SREBF1: variants seen among roughly 807,000 people sequenced by gnomAD.
SREBF1 encodes sterol regulatory element-binding protein 1.
A neutral mutation model predicts 100.1 loss-of-function variants in SREBF1; 45 were observed. The ratio of observed to expected loss-of-function variants is 0.45; its 90% CI spans 0.35 to 0.58. SREBF1 has a LOEUF of 0.58. Ranked by LOEUF, SREBF1 falls within the 20% of genes least tolerant of loss-of-function variation. The pLI, the probability that SREBF1 is intolerant of heterozygous loss-of-function variation, is 0.00. For missense variants in SREBF1, 1,324 were observed against 1,539.4 expected (o/e 0.86, Z 2.34); for synonymous variants, 657 against 681.8 (o/e 0.96, Z 0.57).
intron 1 of SREBF1, among the ~76,000 whole-genome samples, chr17:17,822,538 G>A (rs946344952): frequency 2.0e-5 from 3 of 152,204 alleles, no homozygotes; most frequent in African/African-American, 4.8e-5. Flanking sequence ...CCCCCAGCTG[G>A]TGACTAGCAG....
In SREBF1 at chr17:17,811,610, CCT is replaced by C; in HGVS notation, c.*1010_*1011del. On this transcript the variant is annotated 3_prime_UTR_variant, in exon 19 of 19. Coordinates refer to ENST00000261646, the MANE Select transcript of SREBF1 (RefSeq NM_004176.5). ...GGAAACCTCCCCCGCCCCTGTGCCC[CCT>C]CTCCAGTGTGGCGGCAGGTCGGGAG... is the stretch of plus-strand genomic sequence containing the variant. 2.4e-6 allele frequency: 1 copy of C among 420,304 alleles called. No homozygotes were observed. The highest frequency in any genetic ancestry group is 1.7e-5 in the South Asian group (1 of 60,140). 26.0% of individuals were successfully genotyped at this position (420,304 alleles called of 1,614,324 possible).
Position 17,820,203 on chromosome 17 carries a change from G to T in SREBF1, c.410C>A (p.Pro137Gln). Residue 137 changes from proline to glutamine, a missense_variant, in exon 2 of 19, where the codon CCA becomes CAA. Transcript: ENST00000261646. ...CAGGAGGGCCCCTGGCAGGGGCTGT[G>T]GGGTGGGGGTCTGCAGGATGCTCAG... Reference protein sequence around the residue: ...VPLSILQTPTPQPLPGALLPQ... With the variant: ...VPLSILQTPTQQPLPGALLPQ... 1 of 1,613,510 alleles carries T rather than the reference G, an allele frequency of 6.2e-7. No individual in the cohort carries two copies. The highest frequency in any genetic ancestry group is 8.5e-7 in the Non-Finnish European group (1 of 1,179,874).
At position 17,816,188 on chromosome 17, in the gene SREBF1, A is replaced by ACCCCC; in HGVS notation, c.2214+18_2214+19insGGGGG. On this transcript the variant is annotated intron_variant, in intron 11 of 18. Coordinates refer to ENST00000261646, the MANE Select transcript of SREBF1 (RefSeq NM_004176.5). The stretch of plus-strand genomic sequence containing the variant: ...GAGAGAGCTGCAGGGATAAGCCCCC[A>ACCCCC]GCCCCCCAACCCACTCACTGTCAGA... 1 of 789,246 alleles carries ACCCCC rather than the reference A, an allele frequency of 1.3e-6. No individual in the cohort carries two copies. The highest frequency in any genetic ancestry group is 3.3e-5 in the Admixed American group (1 of 30,034). 48.9% of individuals were successfully genotyped at this position (789,246 alleles called of 1,614,324 possible).
intron 1 of SREBF1, among the ~76,000 whole-genome samples, chr17:17,836,268 T>C (rs1255374143): frequency 2.0e-5 from 3 of 152,308 alleles, no homozygotes; most frequent in Admixed American, 6.5e-5. Context: ...GCAGCGCCCA[T>C]GCGCATGCGC....
chr17:17,816,910 C>T (rs763660773), intron 9 of SREBF1, 48 bp downstream of exon 9: 4 of 1,610,900 alleles, frequency 2.5e-6, no homozygotes, highest in Non-Finnish European at 2.5e-6. Flanking sequence ...AGCACCTTCA[C>T]AGCCTGGGGT....
rs1435786318 is a variant in SREBF1, at chr17:17,816,646, G to A, written c.1858C>T (p.His620Tyr). The change falls in exon 10 of 19, where the codon CAC (histidine) becomes TAC (tyrosine). Residue 620 changes from histidine (H) to tyrosine (Y), a missense_variant. By Grantham distance (83) the His-to-Tyr change is moderately conservative (BLOSUM62 2). Coordinates refer to ENST00000261646, the MANE Select transcript of SREBF1 (RefSeq NM_004176.5). ...AGGAGGCTACAAGCCAGGTCCAGGT[G>A]GGAGGTGGGCAGGGGCCGGCCCAGT... ...RALGRPLPTS[H>Y]LDLACSLLWN... 6.3e-7 allele frequency: 1 copy of A among 1,596,164 alleles called. No homozygotes were observed. The highest frequency in any genetic ancestry group is 1.3e-5 in the African/African-American group (1 of 74,730).
Position 17,819,020 on chromosome 17 carries a change from T to C in SREBF1, c.1061A>G (p.Glu354Gly). 6.2e-7 allele frequency: 1 copy of C among 1,613,224 alleles called. No homozygotes were observed. Among genetic ancestry groups the C allele is most frequent in the Admixed American group, 1.7e-5 (1 of 60,028 alleles). ...IELKDLVVGTEAKLNKSAVLR... is the reference protein window; with the variant it reads ...IELKDLVVGTGAKLNKSAVLR... ...CTGCAGGCCTCTCCACACCTTTGCC[T>C]CAGTGCCCACCACCAGATCCTTGAG... is the stretch of plus-strand genomic sequence containing the variant. Residue 354 changes from glutamate to glycine, a missense_variant, in exon 5 of 19, where the codon GAG becomes GGG. Transcript: ENST00000261646.
At position 17,814,014 on chromosome 17, in the gene SREBF1, A is replaced by G. The variant is rs547294196; in HGVS notation, c.2901+231T>C. Reference sequence around the variant, plus strand: ...GCAGGGCCTCCAAAGGGATCCTACCACACCATCCACCCCCCTCCTCCCAGG... The same window carrying G: ...GCAGGGCCTCCAAAGGGATCCTACCGCACCATCCACCCCCCTCCTCCCAGG... On this transcript the variant is annotated intron_variant, in intron 16 of 18. Coordinates refer to ENST00000261646, the MANE Select transcript of SREBF1 (RefSeq NM_004176.5). 190 of 655,450 alleles carry G rather than the reference A, an allele frequency of 2.9e-4. 1 individual carries two copies. The highest frequency in any genetic ancestry group is 2.5e-3 in the African/African-American group (135 of 55,048). 40.6% of individuals were successfully genotyped at this position (655,450 alleles called of 1,614,324 possible). A position where few individuals can be genotyped will look rare whatever the true frequency, so the allele number is the denominator to read the frequency against.
Position 17,820,473 on chromosome 17 carries a change from A to G in SREBF1, c.140T>C (p.Phe47Ser). The G allele has an allele frequency of 6.2e-7, 1 of 1,614,126 alleles. No individual in the cohort carries two copies. Among genetic ancestry groups the G allele is most frequent in the Non-Finnish European group, 8.5e-7 (1 of 1,180,024 alleles). ...CCCACTCCCAGCATAGGGTGGGTCA[A>G]ATAGGCCAGGGAAGTCACTGTCTTG... Reference protein sequence around the residue: ...NNQDSDFPGLFDPPYAGSGAG... With the variant: ...NNQDSDFPGLSDPPYAGSGAG... The change falls in exon 2 of 19, where the codon TTT (phenylalanine) becomes TCT (serine). Residue 47 changes from phenylalanine (F) to serine (S), a missense_variant. Physicochemically the swap from Phe to Ser is radical, Grantham distance 155 (BLOSUM62 -2). Coordinates refer to ENST00000261646, the MANE Select transcript of SREBF1 (RefSeq NM_004176.5).
At chr17:17,818,186 G>A in intron 6 of SREBF1, 74 bp downstream of exon 6, 1 of 1,011,382 alleles carries the variant, frequency 9.9e-7, no homozygotes, top group East Asian at 4.2e-5. Flanking sequence ...TGGGGCTAGG[G>A]ATGGGGTGGG....
At chr17:17,813,077 CACT>C in intron 18 of SREBF1, 1 of 603,100 alleles carries the variant, frequency 1.7e-6, no homozygotes, top group Non-Finnish European at 2.9e-6. Context: ...ACAGTCACCC[CACT>C]GATTCCTTGT....
chr17:17,817,303 C>T lies in SREBF1; in HGVS notation c.1559G>A (p.Ser520Asn). Residue 520 changes from serine (S) to asparagine (N), a missense_variant, in exon 8 of 19, where the codon AGC becomes AAC. Physicochemically the swap from Ser to Asn is conservative, Grantham distance 46. Coordinates refer to ENST00000261646, the MANE Select transcript of SREBF1 (RefSeq NM_004176.5). The surrounding 1 kb of genome is among the most constrained non-coding windows in gnomAD (Gnocchi z 6.6). ...RGLPSPSDTT[S>N]VYHSPGRNVL... ...GTTGCGCCCAGGGCTATGGTAGACG[C>T]TGGTGGTATCTGAGGGGCTGGGAAG... 4 of 1,607,012 alleles carry T rather than the reference C, an allele frequency of 2.5e-6. No individual in the cohort carries two copies. The highest frequency in any genetic ancestry group is 3.4e-6 in the Non-Finnish European group (4 of 1,177,744).
intron 1 of SREBF1, among the ~76,000 whole-genome samples, chr17:17,831,528 G>A (rs975879741): frequency 1.3e-5 from 2 of 152,168 alleles, no homozygotes; most frequent in Non-Finnish European, 2.9e-5. Flanking sequence ...CCAGGCATAG[G>A]AAAGAGACCC....
chr17:17,813,919 CG>C, intron 16 of SREBF1, 150 bp from the exon 17 acceptor site: 2 of 847,468 alleles, frequency 2.4e-6, no homozygotes, highest in Non-Finnish European at 1.8e-6. Context: ...CAATGCACCG[CG>C]GGGCCGCCCG....
In SREBF1 at chr17:17,819,637, C is replaced by T. The variant is rs140780362; in HGVS notation, c.612G>A (p.Gln204=). Residue 204 remains glutamine, a synonymous_variant, in exon 3 of 19, where the codon CAG becomes CAA. Transcript: ENST00000261646. ...PGVPPVSLHT[Q]VQSVVPQQLL... The stretch of plus-strand genomic sequence containing the variant: ...GCTGCTGGGGGACCACACTCTGGAC[C>T]TGGGTGTGCAAGGAGACGGGCGGGA... 87 of 1,612,740 alleles carry T rather than the reference C, an allele frequency of 5.4e-5. No homozygotes were observed. Among genetic ancestry groups the T allele is most frequent in the Non-Finnish European group, 6.7e-5 (79 of 1,179,332 alleles).
intron 2 of SREBF1, 55 bp from the exon 3 acceptor site, chr17:17,819,780 C>A: frequency 1.3e-6 from 2 of 1,523,776 alleles, no homozygotes; most frequent in Non-Finnish European, 1.8e-6. Flanking sequence ...CCACTTTCAA[C>A]CTGCTCTTCA....
chr17:17,815,367 GC>G, intron 12 of SREBF1, 38 bp from the exon 13 acceptor site: 2 of 1,527,464 alleles, frequency 1.3e-6, no homozygotes, highest in South Asian at 2.2e-5. Context: ...GGGGAGCAGG[GC>G]CCCACCCTCC....
intron 1 of SREBF1, among the ~76,000 whole-genome samples, chr17:17,835,650 T>A (rs1287587695): frequency 6.6e-6 from 1 of 152,262 alleles, no homozygotes; most frequent in Non-Finnish European, 1.5e-5. Flanking sequence ...CTAAAACTCC[T>A]GCACAGAAAC....
At chr17:17,815,036 G>T in intron 13 of SREBF1, 92 bp from the exon 14 acceptor site, 1 of 1,346,324 alleles carries the variant, frequency 7.4e-7, no homozygotes, top group Non-Finnish European at 1.0e-6. Context: ...CCTGGCCCCT[G>T]GCTCTGCAAA....
Sources: allele counts gnomAD v4.1 joint callset (sites outside exome capture counted in the v4.1 genomes callset), GRCh38; gene constraint gnomAD v4.1.1; non-coding constraint Gnocchi (gnomAD v3.1); transcripts MANE v1.5; gene names NCBI Gene and HGNC (gene_info 2026-07-23, HGNC 2026-07-21).